Variants in CLCN5 observed in about 807,000 individuals in gnomAD.
The protein encoded by CLCN5 is Cl-/H+ antiporter 5, also known as H(+)/Cl(-) exchange transporter 5.
CLCN5 carries 17 observed loss-of-function variants against 54.0 expected under a neutral mutation model. That is an observed-to-expected ratio of 0.31 (90% CI 0.22 to 0.47). The LOEUF is 0.47. Among genes scored for constraint, CLCN5 ranks in the 20% least tolerant of loss-of-function variants. CLCN5 has a pLI of 1.00. For missense variants in CLCN5, 448 were observed against 646.7 expected, an observed-to-expected ratio of 0.69 and a Z score of 3.33; for synonymous variants, 222 against 233.0, an observed-to-expected ratio of 0.95 and a Z score of 0.43.
rs891570496 is a variant in CLCN5, at chrX:50,076,833, C to T, written c.603+851C>T. Among the ~76,000 whole-genome samples, 5 of 112,279 alleles carry T rather than the reference C, an allele frequency of 4.5e-5. No individual in the cohort carries two copies. The Admixed American group carries it at 4.7e-4, about 11-fold the overall frequency. ...ACAGGCATGAGCCACTGTGCTTGGC[C>T]TACCATATGTTTTTTGATGCCAAGG... On this transcript the variant is annotated intron_variant, in intron 7 of 14. Transcript: ENST00000376091.
intron 4 of CLCN5, among the ~76,000 whole-genome samples, chrX:50,058,712 G>A (rs1482897913): frequency 9.0e-6 from 1 of 111,606 alleles, no homozygotes; most frequent in Non-Finnish European, 1.9e-5. Context: ...GGGGCTTTTT[G>A]TTCTATCATT....
chrX:49,928,856 C>T (rs959666083), intron 3 of CLCN5, among the ~76,000 whole-genome samples: 1 of 111,177 alleles, frequency 9.0e-6, no homozygotes, highest in Non-Finnish European at 1.9e-5. Flanking sequence ...ACCCAGGAGG[C>T]GGAGCTTGCA....
chrX:49,989,574 G>A (rs1929156595), intron 3 of CLCN5, among the ~76,000 whole-genome samples: 1 of 112,146 alleles, frequency 8.9e-6, no homozygotes, highest in Non-Finnish European at 1.9e-5. Context: ...AGTATATTAA[G>A]TTGATTGGTT....
chrX:49,971,901 G>A (rs1342378702), intron 3 of CLCN5, among the ~76,000 whole-genome samples: 5 of 111,648 alleles, frequency 4.5e-5, no homozygotes, highest in African/African-American at 9.8e-5. Context: ...GCTTTACGAG[G>A]GAGAGAATCT....
intron 3 of CLCN5, chrX:50,009,726 T>C (rs988165554): frequency 2.6e-6 from 1 of 387,060 alleles, no homozygotes; most frequent in Non-Finnish European, 5.2e-6. Flanking sequence ...TGCTCTGCTC[T>C]TCCTCTCTAA....
intron 3 of CLCN5, among the ~76,000 whole-genome samples, chrX:49,997,132 A>G (rs1239664869): frequency 9.0e-6 from 1 of 111,626 alleles, no homozygotes; most frequent in Non-Finnish European, 1.9e-5. Flanking sequence ...TGTATCATAC[A>G]GTGTCAGAGT....
intron 3 of CLCN5, among the ~76,000 whole-genome samples, chrX:49,970,641 T>C (rs1458813664): frequency 8.9e-6 from 1 of 112,476 alleles, no homozygotes; most frequent in African/African-American, 3.2e-5. Flanking sequence ...ATGCTACATT[T>C]AAGAAAATCC....
chrX:50,031,989 G>C (rs1469943413), intron 3 of CLCN5, among the ~76,000 whole-genome samples: 1 of 105,258 alleles, frequency 9.5e-6, no homozygotes, highest in Non-Finnish European at 1.9e-5. Context: ...TTGTTCTTGC[G>C]ATAGTTTACT....
chrX:50,091,974 G>A (rs1486583621), intron 14 of CLCN5, among the ~76,000 whole-genome samples, 155 bp from the exon 15 acceptor site: 3 of 112,088 alleles, frequency 2.7e-5, no homozygotes, highest in African/African-American at 9.7e-5. Context: ...TATTTGCCTG[G>A]GGCACATGTC....
chrX:49,972,475 C>T (rs150395542), intron 3 of CLCN5, among the ~76,000 whole-genome samples: 3 of 111,725 alleles, frequency 2.7e-5, no homozygotes, highest in East Asian at 5.6e-4. Context: ...AGTTATGAAG[C>T]AACCGGTCCA....
In CLCN5 at chrX:50,009,612, C is replaced by T. The variant is rs141215482; in HGVS notation, c.17-32704C>T. 281 of 344,995 alleles carry T rather than the reference C, an allele frequency of 8.1e-4. 1 individual carries two copies. The highest frequency in any genetic ancestry group is 6.5e-3 in the African/African-American group (247 of 38,284). The allele number at this position is 344,995 out of a possible 1,213,427, so 28.4% of individuals were successfully genotyped here. A position where few individuals can be genotyped will look rare whatever the true frequency, so the allele number is the denominator to read the frequency against. The stretch of plus-strand genomic sequence containing the variant: ...TACATATGCTATCCCTGAGGAGAGG[C>T]ATCTGTCTTAGCAAATGCACACAGA... On this transcript the variant is annotated intron_variant, in intron 3 of 14. Transcript: ENST00000376091.
At chrX:49,961,041 C>T (rs980043251) in intron 3 of CLCN5, among the ~76,000 whole-genome samples, 9 of 111,581 alleles carry the variant, frequency 8.1e-5, no homozygotes, top group African/African-American at 2.9e-4. Flanking sequence ...TCCCAAGACA[C>T]GCAAAACAGA....
rs983665268 is a variant in CLCN5 at position 50,042,260 on chromosome X, C to T, written c.17-56C>T. Reference sequence around the variant, plus strand: ...AAAATGGTTCAAATGGCAAATGTTACGTGTAAGGGACTTGAAGATCATTGT... The same window carrying T: ...AAAATGGTTCAAATGGCAAATGTTATGTGTAAGGGACTTGAAGATCATTGT... On this transcript the variant is annotated intron_variant, in intron 3 of 14. Transcript: ENST00000376091. 1.0e-5 allele frequency: 6 copies of T among 596,213 alleles called. No individual in the cohort carries two copies. The Admixed American group carries it at 1.3e-4, about 13-fold the overall frequency. 49.1% of individuals were successfully genotyped at this position (596,213 alleles called of 1,213,427 possible). A position where few individuals can be genotyped will look rare whatever the true frequency, so the allele number is the denominator to read the frequency against.
At chrX:50,081,506 G>A in intron 8 of CLCN5, 135 bp from the exon 9 acceptor site, 1 of 518,053 alleles carries the variant, frequency 1.9e-6, no homozygotes, top group Non-Finnish European at 3.4e-6. Flanking sequence ...CTTCCAAACA[G>A]GGATCACTGT....
intron 3 of CLCN5, among the ~76,000 whole-genome samples, chrX:49,930,509 T>C (rs1557168704): frequency 1.8e-5 from 2 of 111,416 alleles, no homozygotes; most frequent in East Asian, 5.6e-4. Context: ...TAATGTAGAG[T>C]TCTATTTAGT....
At chrX:50,079,494 C>T (rs145189001) in intron 7 of CLCN5, among the ~76,000 whole-genome samples, 21 of 112,160 alleles carry the variant, frequency 1.9e-4, no homozygotes, top group African/African-American at 5.8e-4. Flanking sequence ...TATTTGCAGG[C>T]CCTTTAATAT....
chrX:49,986,265 T>C (rs1928989231), intron 3 of CLCN5, among the ~76,000 whole-genome samples: 1 of 111,693 alleles, frequency 9.0e-6, no homozygotes, highest in African/African-American at 3.2e-5. Flanking sequence ...AAATTGGACC[T>C]GGCTTACTTC....
At chrX:50,058,803 C>T (rs1557189457) in intron 4 of CLCN5, among the ~76,000 whole-genome samples, 1 of 111,001 alleles carries the variant, frequency 9.0e-6, no homozygotes, top group African/African-American at 3.3e-5. Context: ...ATTCACTATG[C>T]CTTCAAAATT....
intron 4 of CLCN5, among the ~76,000 whole-genome samples, chrX:50,043,564 G>A (rs782467856): frequency 7.2e-5 from 8 of 110,908 alleles, no homozygotes; most frequent in African/African-American, 2.0e-4. Context: ...TTTACAAACC[G>A]TTTCAGTTTC....
Sources: gnomAD v4.1 joint callset for allele counts (sites outside exome capture counted in the v4.1 genomes callset) on GRCh38, gnomAD v4.1.1 for gene constraint, MANE v1.5 for transcripts, NCBI Gene and HGNC (gene_info 2026-07-23, HGNC 2026-07-21) for gene names.